The following SLCO1A2 variants were observed in gnomAD, a reference collection of about 807,000 sequenced individuals.
SLCO1A2 encodes the protein OATP-1.
Under a neutral mutation model 69.0 loss-of-function variants are expected in SLCO1A2, and 67 were observed. The observed-to-expected ratio is 0.97, with a 90% CI of 0.80 to 1.19. The LOEUF (loss-of-function observed/expected upper bound fraction) is 1.19. Ranked by LOEUF, SLCO1A2 falls within the 50% of genes most tolerant of loss-of-function variation. The pLI, the probability that SLCO1A2 is intolerant of heterozygous loss-of-function variation, is 0.00. For synonymous variants in SLCO1A2, 260 were observed against 265.9 expected (o/e 0.98, Z 0.22); for missense variants, 787 against 793.7 (o/e 0.99, Z 0.10).
intron 1 of SLCO1A2, among the ~76,000 whole-genome samples, chr12:21,402,484 T>C (rs1284958666): frequency 6.6e-6 from 1 of 152,108 alleles, no homozygotes; most frequent in Middle Eastern, 3.2e-3. Flanking sequence ...TATTTTTGCA[T>C]ACAGTTAATT....
intron 1 of SLCO1A2, among the ~76,000 whole-genome samples, chr12:21,393,174 T>C (rs554110452): frequency 2.0e-5 from 3 of 152,158 alleles, no homozygotes; most frequent in Non-Finnish European, 4.4e-5. Context: ...AGAATATATA[T>C]ATATGTATAT....
upstream of SLCO1A2, among the ~76,000 whole-genome samples, chr12:21,397,730 C>T (rs780927793): frequency 5.5e-3 from 767 of 140,254 alleles, 1 homozygote; most frequent in Middle Eastern, 0.011. Context: ...CACTCAAAAC[C>T]GCTCAACTAC....
intron 12 of SLCO1A2, among the ~76,000 whole-genome samples, chr12:21,279,335 G>A (rs951441933): frequency 6.6e-6 from 1 of 152,090 alleles, no homozygotes; most frequent in Non-Finnish European, 1.5e-5. Context: ...CCTAGAGAAA[G>A]GTATTGATTC....
intron 2 of SLCO1A2, among the ~76,000 whole-genome samples, chr12:21,347,694 A>AAGGAAGGAAGGAAGGAAGGAAGGAAGGT: frequency 6.9e-6 from 1 of 144,218 alleles, no homozygotes; most frequent in East Asian, 1.9e-4. Context: ...GGAAGGAAGG[A>AAGGAAGGAAGGAAGGAAGGAAGGAAGGT]AGGAAGAAGG....
intron 2 of SLCO1A2, among the ~76,000 whole-genome samples, chr12:21,327,929 A>T (rs1225728105): frequency 1.3e-5 from 2 of 152,142 alleles, no homozygotes; most frequent in Non-Finnish European, 2.9e-5. Context: ...GTCCCCACCA[A>T]AATCTCATCT....
intron 2 of SLCO1A2, among the ~76,000 whole-genome samples, chr12:21,354,370 AT>A (rs1336487829): frequency 6.6e-6 from 1 of 152,174 alleles, no homozygotes; most frequent in African/African-American, 2.4e-5. Context: ...AGGTATTGGT[AT>A]TTCTCCTTTC....
Position 21,301,581 on chromosome 12 carries a change from T to C in SLCO1A2, c.590-312A>G, listed in dbSNP as rs527408570. On this transcript the variant is annotated intron_variant, in intron 6 of 14. Coordinates refer to ENST00000683939, the MANE Select transcript of SLCO1A2 (RefSeq NM_001386879.1). ...GATCATGCCATTGACTAGGTCGTGATATAACCAAGGTCCTGTTAATTCATC... is the reference window on the plus strand; with the variant it reads ...GATCATGCCATTGACTAGGTCGTGACATAACCAAGGTCCTGTTAATTCATC... Among the ~76,000 whole-genome samples the C allele has an allele frequency of 8.5e-5, 13 of 152,276 alleles. No individual in the cohort carries two copies. In the South Asian group the frequency reaches 1.9e-3, roughly 22 times the overall value.
In SLCO1A2 at chr12:21,314,661, AT is replaced by A; in HGVS notation, c.222del (p.Phe75LeufsTer2). 6.2e-7 allele frequency: 1 copy of A among 1,605,386 alleles called. No individual in the cohort carries two copies. Among genetic ancestry groups the A allele is most frequent in the Non-Finnish European group, 8.5e-7 (1 of 1,172,332 alleles). ...SFEIGNLLLI[I>X]FVSYFGTKLH... ...AGTTTGGTTCCAAAATAACTCACAA[AT>A]ATAATCAACAAAAGATTTCCTAGGA... On this transcript the variant is annotated frameshift_variant, in exon 4 of 15. Coordinates refer to ENST00000683939, the MANE Select transcript of SLCO1A2 (RefSeq NM_001386879.1). LOFTEE classifies it high-confidence loss of function.
chr12:21,297,210 TTTCCTTCCTTCTTTCCTTCC>T (rs1319242776), intron 9 of SLCO1A2, among the ~76,000 whole-genome samples, 174 bp downstream of exon 9: 3 of 141,610 alleles, frequency 2.1e-5, no homozygotes, highest in African/African-American at 9.1e-5. Flanking sequence ...TCTTTCCTTC[TTTCCTTCCTTCTTTCCTTCC>T]TTCTTTCTTT....
At chr12:21,295,154 T>C (rs527296293) in intron 10 of SLCO1A2, 2 of 152,766 alleles carry the variant, frequency 1.3e-5, no homozygotes, top group African/African-American at 4.8e-5. Flanking sequence ...ATTTATCATG[T>C]ATTATGATTT....
At chr12:21,324,854 G>C (rs1158167815) in intron 2 of SLCO1A2, 1 of 152,238 alleles carries the variant, frequency 6.6e-6, no homozygotes, top group East Asian at 1.9e-4. Context: ...GTCAGCCCTA[G>C]GGGAAAAAGA....
chr12:21,323,286 G>A lies in SLCO1A2; in HGVS notation c.61-4363C>T, dbSNP rs115924456. 9.6e-3 allele frequency among the ~76,000 whole-genome samples: 1,469 copies of A among 152,236 alleles called. 17 individuals carry two copies. Among genetic ancestry groups the A allele is most frequent in the African/African-American group, 0.034 (1,397 of 41,518 alleles). ...TTTTAATATATACTGACCAGGCACC[G>A]TGGCTCACATCTATATTCCCAGGAT... On this transcript the variant is annotated intron_variant, in intron 2 of 14. Transcript: ENST00000683939.
intron 2 of SLCO1A2, among the ~76,000 whole-genome samples, chr12:21,357,464 A>G (rs1938464116): frequency 6.6e-6 from 1 of 152,248 alleles, no homozygotes; most frequent in Non-Finnish European, 1.5e-5. Context: ...TCTTGCCTCC[A>G]GAACTGTGAA....
At chr12:21,348,018 T>C (rs1937640852) in intron 2 of SLCO1A2, among the ~76,000 whole-genome samples, 2 of 152,244 alleles carry the variant, frequency 1.3e-5, no homozygotes, top group South Asian at 4.1e-4. Flanking sequence ...CAATGAACTT[T>C]AGTGTTGCTA....
intron 3 of SLCO1A2, among the ~76,000 whole-genome samples, chr12:21,315,220 C>A (rs1054260417): frequency 2.0e-5 from 3 of 152,012 alleles, no homozygotes; most frequent in African/African-American, 4.8e-5. Context: ...TTTTCTACTT[C>A]TTTCCCTAGA....
upstream of SLCO1A2, among the ~76,000 whole-genome samples, chr12:21,395,833 TAACA>T (rs1941430854): frequency 6.6e-6 from 1 of 151,944 alleles, no homozygotes; most frequent in Non-Finnish European, 1.5e-5. Flanking sequence ...GAAGGAAAAC[TAACA>T]AACAGAAAGG....
rs779997562 is a variant in SLCO1A2 at position 21,301,202 on chromosome 12, A to G, written c.657T>C (p.Asn219=). 8 of 1,612,718 alleles carry G rather than the reference A, an allele frequency of 5.0e-6. No homozygotes were observed. Among genetic ancestry groups the G allele is most frequent in the Admixed American group, 1.7e-5 (1 of 59,902 alleles). The part of the protein sequence containing the change: ...IGLLLASFCA[N]VYVDTGFVNT... ...TCACAAATCCAGTGTCAACATAAAC[A>G]TTTGCACAGAATGATGCCAACAAAA... Residue 219 remains asparagine, a synonymous_variant, in exon 7 of 15, where the codon AAT becomes AAC. Transcript: ENST00000683939.
Position 21,302,679 on chromosome 12 carries a change from A to G in SLCO1A2, c.590-1410T>C, listed in dbSNP as rs549599940. 4.6e-4 allele frequency among the ~76,000 whole-genome samples: 69 copies of G among 151,460 alleles called. 1 individual carries two copies. The South Asian group carries it at 0.014, about 31-fold the overall frequency. ...TCAAGTGATTCTCCTGTCTCAGCCT[A>G]CTGAGTAGCTGGGATTATAGGCACA... is the stretch of plus-strand genomic sequence containing the variant. On this transcript the variant is annotated intron_variant, in intron 6 of 14. Coordinates refer to ENST00000683939, the MANE Select transcript of SLCO1A2 (RefSeq NM_001386879.1).
At chr12:21,349,098 A>G (rs1375619568) in intron 2 of SLCO1A2, among the ~76,000 whole-genome samples, 2 of 152,188 alleles carry the variant, frequency 1.3e-5, no homozygotes, top group African/African-American at 4.8e-5. Flanking sequence ...CTATTTTTTA[A>G]AAGGGGAGGA....
Sources: allele counts gnomAD v4.1 joint callset (sites outside exome capture counted in the v4.1 genomes callset), GRCh38; gene constraint gnomAD v4.1.1; transcripts MANE v1.5; gene names NCBI Gene and HGNC (gene_info 2026-07-23, HGNC 2026-07-21).